The following PALLD variants were observed in gnomAD, a reference collection of about 807,000 sequenced individuals.
PALLD encodes palladin.
A neutral mutation model predicts 123.5 loss-of-function variants in PALLD; 61 were observed. The observed-to-expected ratio is 0.49, with a 90% CI of 0.40 to 0.61. PALLD has a LOEUF of 0.61. PALLD is among the 20% of genes least tolerant of loss of function. The probability of loss-of-function intolerance (pLI) is 0.00; values close to 1 mark genes in which losing one functional copy is unlikely to be tolerated. For missense variants in PALLD, 1,273 were observed against 1,377.0 expected, an observed-to-expected ratio of 0.92 and a Z score of 1.20; for synonymous variants, 465 against 496.4, an observed-to-expected ratio of 0.94 and a Z score of 0.84.
intron 17 of PALLD, among the ~76,000 whole-genome samples, chr4:168,920,837 A>C (rs1427723363): frequency 6.6e-6 from 1 of 152,192 alleles, no homozygotes; most frequent in African/African-American, 2.4e-5. Context: ...CCTTGATGAG[A>C]AGCTTTACAG....
rs139497097 is a variant in PALLD, at chr4:168,772,254, G to C, written c.1964+60331G>C. On this transcript the variant is annotated intron_variant, in intron 10 of 21. Coordinates refer to ENST00000505667, the MANE Select transcript of PALLD (RefSeq NM_001166108.2). ...ACAGGCTGTTGGCCTTCAGGATCTA[G>C]GCTCCTAACACAATGCACCAAAGCC... Among the ~76,000 whole-genome samples, 193 of 152,186 alleles carry C rather than the reference G, an allele frequency of 1.3e-3. No homozygotes were observed. In the East Asian group the frequency reaches 0.017, roughly 14 times the overall value.
chr4:168,822,614 T>A (rs17614938), intron 10 of PALLD, among the ~76,000 whole-genome samples: 20,770 of 152,248 alleles, frequency 0.14, 1,620 homozygotes, highest in Admixed American at 0.18. Flanking sequence ...GGTATCCAAA[T>A]GAATTAACTA....
intron 2 of PALLD, among the ~76,000 whole-genome samples, chr4:168,530,260 T>C (rs375465072): frequency 3.3e-5 from 5 of 152,252 alleles, no homozygotes; most frequent in African/African-American, 1.2e-4. Flanking sequence ...AAAATATTTC[T>C]TTGCAGATAA....
chr4:168,833,495 C>G (rs1188472761), intron 10 of PALLD, among the ~76,000 whole-genome samples: 1 of 152,092 alleles, frequency 6.6e-6, no homozygotes, highest in Non-Finnish European at 1.5e-5. Flanking sequence ...GGGACCGACC[C>G]AAGCTTCAGA....
At chr4:168,790,943 A>G (rs1406025233) in intron 10 of PALLD, among the ~76,000 whole-genome samples, 1 of 152,214 alleles carries the variant, frequency 6.6e-6, no homozygotes, top group African/African-American at 2.4e-5. Flanking sequence ...CTCTCTCTCC[A>G]TTAATTCTAA....
chr4:168,664,628 A>G (rs1023851421), intron 2 of PALLD, among the ~76,000 whole-genome samples: 1 of 152,230 alleles, frequency 6.6e-6, no homozygotes, highest in African/African-American at 2.4e-5. Context: ...AAGTAAAATA[A>G]TTAGCATGAG....
At chr4:168,625,502 GAT>G (rs756984622) in intron 2 of PALLD, among the ~76,000 whole-genome samples, 12 of 114,402 alleles carry the variant, frequency 1.0e-4, no homozygotes, top group Admixed American at 2.1e-4. Context: ...ATATCCAGGA[GAT>G]ATATATATAT....
intron 10 of PALLD, among the ~76,000 whole-genome samples, chr4:168,794,392 A>G (rs1186183867): frequency 6.6e-6 from 1 of 152,140 alleles, no homozygotes; most frequent in Non-Finnish European, 1.5e-5. Context: ...CTCCTCCCCC[A>G]GGGTGGAAGA....
chr4:168,711,560 CCT>C lies in PALLD; in HGVS notation c.1622-16_1622-15del, dbSNP rs1561432994. The C allele has an allele frequency of 4.5e-6, 7 of 1,540,824 alleles. No homozygotes were observed. Among genetic ancestry groups the C allele is most frequent in the Admixed American group, 3.3e-5 (2 of 59,920 alleles). The stretch of plus-strand genomic sequence containing the variant: ...ACTAGTGGCATCTTCTTATGTTTTT[CCT>C]CTCTTTCCCCTTCCTTAGCCAACAC... On this transcript the variant is annotated intron_variant, in intron 9 of 21. Coordinates refer to ENST00000505667, the MANE Select transcript of PALLD (RefSeq NM_001166108.2).
intron 8 of PALLD, among the ~76,000 whole-genome samples, chr4:168,692,439 T>C (rs1782718403): frequency 6.6e-6 from 1 of 152,240 alleles, no homozygotes; most frequent in Non-Finnish European, 1.5e-5. Flanking sequence ...TGTGGAAATA[T>C]ACAACTGCAT....
chr4:168,877,262 T>C (rs1751874226), intron 10 of PALLD, among the ~76,000 whole-genome samples: 1 of 152,216 alleles, frequency 6.6e-6, no homozygotes, highest in South Asian at 2.1e-4. Flanking sequence ...AATAGGCAAA[T>C]TGGACTAACG....
chr4:168,748,370 A>G (rs188884308), intron 10 of PALLD, among the ~76,000 whole-genome samples: 1 of 152,382 alleles, frequency 6.6e-6, no homozygotes, highest in East Asian at 1.9e-4. Context: ...AACCACTGGT[A>G]CAGACAAATC....
At chr4:168,532,311 AC>A (rs1225058745) in intron 2 of PALLD, among the ~76,000 whole-genome samples, 1 of 152,162 alleles carries the variant, frequency 6.6e-6, no homozygotes, top group Admixed American at 6.5e-5. Context: ...TCAGATCTTC[AC>A]TACTTCAGAG....
chr4:168,569,340 C>A (rs1371868457), intron 2 of PALLD, among the ~76,000 whole-genome samples: 1 of 152,136 alleles, frequency 6.6e-6, no homozygotes, highest in Non-Finnish European at 1.5e-5. Context: ...TTAGTGTGAA[C>A]AACCTCTCTT....
At chr4:168,629,269 C>A (rs2149821272) in intron 2 of PALLD, among the ~76,000 whole-genome samples, 1 of 152,258 alleles carries the variant, frequency 6.6e-6, no homozygotes, top group East Asian at 1.9e-4. Context: ...CCACCTCAGC[C>A]TCCCAAAGTG....
chr4:168,536,604 G>A (rs1178003480), intron 2 of PALLD: 1 of 152,332 alleles, frequency 6.6e-6, no homozygotes, highest in South Asian at 2.1e-4. Flanking sequence ...GCAGCACAAG[G>A]CAGGAAGAAA....
intron 10 of PALLD, among the ~76,000 whole-genome samples, chr4:168,784,608 C>T (rs774103598): frequency 6.6e-5 from 10 of 152,196 alleles, no homozygotes; most frequent in South Asian, 4.2e-4. Context: ...GGGAAGCGGG[C>T]GGGAGAAAGA....
chr4:168,526,369 G>C (rs10019193), intron 2 of PALLD, among the ~76,000 whole-genome samples: 109,098 of 152,114 alleles, frequency 0.72, 39,240 homozygotes, highest in East Asian at 0.86. Flanking sequence ...CAGCCAAAAC[G>C]TGTCTTTCAT....
At chr4:168,748,851 T>A (rs1730659322) in intron 10 of PALLD, among the ~76,000 whole-genome samples, 1 of 152,190 alleles carries the variant, frequency 6.6e-6, no homozygotes. Context: ...GTGTGGCAAT[T>A]TGCTGCTTCT....
Sources: gnomAD v4.1 joint callset for allele counts (sites outside exome capture counted in the v4.1 genomes callset) on GRCh38, gnomAD v4.1.1 for gene constraint, MANE v1.5 for transcripts, NCBI Gene and HGNC (gene_info 2026-07-23, HGNC 2026-07-21) for gene names.